Variants in GMNC observed in about 807,000 individuals in gnomAD.
The protein encoded by GMNC is geminin coiled-coil domain-containing protein 1.
Under a neutral mutation model 33.6 loss-of-function variants are expected in GMNC, and 16 were observed. The observed-to-expected ratio is 0.48, with a 90% CI of 0.32 to 0.72. GMNC has a LOEUF of 0.72. Among genes scored for constraint, GMNC ranks in the 30% least tolerant of loss-of-function variants. GMNC has a pLI of 0.03. For missense variants in GMNC, 393 were observed against 388.9 expected (o/e 1.01, Z -0.09); for synonymous variants, 156 against 147.3 (o/e 1.06, Z -0.43).
chr3:190,859,283 G>A (rs1737812268), intron 2 of GMNC, among the ~76,000 whole-genome samples: 2 of 152,048 alleles, frequency 1.3e-5, no homozygotes, highest in African/African-American at 4.8e-5. Context: ...CCTAATATAT[G>A]TATTCCTGCT....
Position 190,861,450 on chromosome 3 carries a change from C to T in GMNC, c.4-592G>A, listed in dbSNP as rs1560038679. On this transcript the variant is annotated intron_variant, in intron 1 of 4. Transcript: ENST00000442080. The surrounding 1 kb of genome is among the most constrained non-coding windows in gnomAD (Gnocchi z 5.1). ...ATCTATCTGTCTGTCTGTCTGTCTG[C>T]CTATCATCTATCTATCTATCTATCT... is the stretch of plus-strand genomic sequence containing the variant. Among the ~76,000 whole-genome samples, 1 of 145,930 alleles carries T rather than the reference C, an allele frequency of 6.9e-6. No individual in the cohort carries two copies. The highest frequency in any genetic ancestry group is 6.9e-5 in the Admixed American group (1 of 14,422).
At chr3:190,846,196 C>G in the GMNC span, among the ~76,000 whole-genome samples, 1 of 151,868 alleles carries the variant, frequency 6.6e-6, no homozygotes, top group African/African-American at 2.4e-5. Context: ...TCACTGCACT[C>G]CAACCTGGGT....
the GMNC span, among the ~76,000 whole-genome samples, chr3:190,843,629 A>C: frequency 2.8e-4 from 42 of 151,772 alleles, no homozygotes; most frequent in Middle Eastern, 0.024. Flanking sequence ...AGCAAACTCC[A>C]CTCCTTCTCC....
In GMNC at chr3:190,855,057, A is replaced by G. The variant is rs920237695; in HGVS notation, c.*238T>C. Reference sequence around the variant, plus strand: ...AGTATAGGGCAAAGAGAGGATGTCAATAGCAGGTATTGGTGTGTAAACAAG... The same window carrying G: ...AGTATAGGGCAAAGAGAGGATGTCAGTAGCAGGTATTGGTGTGTAAACAAG... On this transcript the variant is annotated 3_prime_UTR_variant, in exon 5 of 5. Transcript: ENST00000442080. 4.6e-5 allele frequency: 24 copies of G among 518,622 alleles called. No homozygotes were observed. In the Admixed American group the frequency reaches 7.0e-4, roughly 15 times the overall value. 32.1% of individuals were successfully genotyped at this position (518,622 alleles called of 1,614,324 possible). A position where few individuals can be genotyped will look rare whatever the true frequency, so the allele number is the denominator to read the frequency against.
At chr3:190,860,034 G>A (rs1309508434) in intron 2 of GMNC, among the ~76,000 whole-genome samples, 1 of 152,144 alleles carries the variant, frequency 6.6e-6, no homozygotes, top group Non-Finnish European at 1.5e-5. Flanking sequence ...AAATCATGTA[G>A]CAGAACCAAC....
the GMNC span, among the ~76,000 whole-genome samples, chr3:190,847,703 A>G: frequency 1.3e-5 from 2 of 150,872 alleles, no homozygotes; most frequent in Non-Finnish European, 2.9e-5. Flanking sequence ...TCATCTTCAC[A>G]TGACTCTCTT....
intron 3 of GMNC, chr3:190,858,128 T>C: frequency 2.1e-6 from 1 of 481,632 alleles, no homozygotes; most frequent in Non-Finnish European, 3.7e-6. Flanking sequence ...TTTGGAGAGA[T>C]TATAATAGAC....
At chr3:190,846,967 T>G in the GMNC span, among the ~76,000 whole-genome samples, 1 of 152,194 alleles carries the variant, frequency 6.6e-6, no homozygotes, top group Non-Finnish European at 1.5e-5. Flanking sequence ...TCTTCCAATG[T>G]GGGTTAAACG....
intron 2 of GMNC, among the ~76,000 whole-genome samples, chr3:190,859,552 T>C (rs1737817385): frequency 6.6e-6 from 1 of 152,208 alleles, no homozygotes; most frequent in African/African-American, 2.4e-5. Context: ...TGGTAGCACT[T>C]TCTACTTTAA....
At position 190,860,682 on chromosome 3, in the gene GMNC, A is replaced by G. The variant is rs1475289064; in HGVS notation, c.178+2T>C. The G allele has an allele frequency of 3.2e-6, 5 of 1,548,806 alleles. No individual in the cohort carries two copies. Among genetic ancestry groups the G allele is most frequent in the Non-Finnish European group, 4.4e-6 (5 of 1,145,854 alleles). On this transcript the variant is annotated splice_donor_variant, in intron 2 of 4. Transcript: ENST00000442080. LOFTEE classifies it high-confidence loss of function. Reference sequence around the variant, plus strand: ...TCAGGGAAGCAGAAGAGCAGAACTTACCCTGTGCCTGTGGTGCTTGTTGGA... The same window carrying G: ...TCAGGGAAGCAGAAGAGCAGAACTTGCCCTGTGCCTGTGGTGCTTGTTGGA...
At chr3:190,847,299 A>G in the GMNC span, among the ~76,000 whole-genome samples, 5 of 152,272 alleles carry the variant, frequency 3.3e-5, no homozygotes, top group East Asian at 7.7e-4. Flanking sequence ...AATAAATTAT[A>G]TAGTTATGCT....
rs1049429441 is a variant in GMNC at position 190,856,553 on chromosome 3, C to A, written c.385-638G>T. Among the ~76,000 whole-genome samples, 20 of 139,762 alleles carry A rather than the reference C, an allele frequency of 1.4e-4. No individual in the cohort carries two copies. In the South Asian group the frequency reaches 2.9e-3, roughly 20 times the overall value. 91.7% of individuals were successfully genotyped at this position (139,762 alleles called of 152,430 possible). ...TTTATAAATGAACTATCATTTACTACAATTTATAAAGCACTGATTACATGT... is the reference window on the plus strand; with the variant it reads ...TTTATAAATGAACTATCATTTACTAAAATTTATAAAGCACTGATTACATGT... On this transcript the variant is annotated intron_variant, in intron 4 of 4. Transcript: ENST00000442080.
chr3:190,852,116 A>C (rs1044752851), downstream of GMNC, among the ~76,000 whole-genome samples: 1 of 152,100 alleles, frequency 6.6e-6, no homozygotes, highest in African/African-American at 2.4e-5. Context: ...TCTTATGTGA[A>C]TCTTTTGGTA....
In GMNC at chr3:190,860,555, G is replaced by A. The variant is rs370692419; in HGVS notation, c.178+129C>T. On this transcript the variant is annotated intron_variant, in intron 2 of 4. Transcript: ENST00000442080. ...GCAGGCTTTATGACTGTAAAAATCA[G>A]GAGTCCTTGGGTTTACTTAAATTTT... is the stretch of plus-strand genomic sequence containing the variant. 7.4e-5 allele frequency: 53 copies of A among 717,098 alleles called. No homozygotes were observed. In the African/African-American group the frequency reaches 8.6e-4, roughly 12 times the overall value. 44.4% of individuals were successfully genotyped at this position (717,098 alleles called of 1,614,324 possible).
downstream of GMNC, among the ~76,000 whole-genome samples, chr3:190,850,970 GA>G (rs35343087): frequency 2.7e-5 from 4 of 150,686 alleles, no homozygotes; most frequent in Non-Finnish European, 4.4e-5. Context: ...TTTCTCCAAG[GA>G]AAAAAAAATA....
At chr3:190,844,461 T>A in the GMNC span, among the ~76,000 whole-genome samples, 1 of 151,360 alleles carries the variant, frequency 6.6e-6, no homozygotes, top group Non-Finnish European at 1.5e-5. Flanking sequence ...AATAATTGAT[T>A]CCTTATATAT....
At position 190,862,400 on chromosome 3, in the gene GMNC, AAGAGGGAG is replaced by A. The variant is rs1235691915; in HGVS notation, c.3+205_3+212del. Among the ~76,000 whole-genome samples the A allele has an allele frequency of 6.8e-6, 1 of 146,464 alleles. No individual in the cohort carries two copies. Among genetic ancestry groups the A allele is most frequent in the Non-Finnish European group, 1.5e-5 (1 of 66,102 alleles). ...GGCGAGAGAGAGAAAGGAGAGAAAG[AAGAGGGAG>A]AGAGGGAGAGAAAGAGAGAGAGAGA... On this transcript the variant is annotated intron_variant, in intron 1 of 4. Coordinates refer to ENST00000442080, the MANE Select transcript of GMNC (RefSeq NM_001146686.3). This position sits in a 1 kb window ranked among gnomAD's most constrained non-coding sequence, Gnocchi z 4.5.
At chr3:190,860,216 G>A (rs1158360857) in intron 2 of GMNC, among the ~76,000 whole-genome samples, 1 of 152,182 alleles carries the variant, frequency 6.6e-6, no homozygotes, top group African/African-American at 2.4e-5. Flanking sequence ...TTTTGTGTGT[G>A]TAAAAGGGAA....
chr3:190,849,915 TAAAG>T (rs1490240410), downstream of GMNC, among the ~76,000 whole-genome samples: 1 of 152,330 alleles, frequency 6.6e-6, no homozygotes, highest in African/African-American at 2.4e-5. Flanking sequence ...TTTTCCGTAT[TAAAG>T]GAAGAAGAGG....
Sources: gnomAD v4.1 joint callset for allele counts (sites outside exome capture counted in the v4.1 genomes callset) on GRCh38, gnomAD v4.1.1 for gene constraint, Gnocchi (gnomAD v3.1) non-coding constraint, MANE v1.5 for transcripts, NCBI Gene and HGNC (gene_info 2026-07-23, HGNC 2026-07-21) for gene names.